MYO18B: variants seen among roughly 807,000 people sequenced by gnomAD.
The protein encoded by MYO18B is unconventional myosin-XVIIIb.
In MYO18B, 204 loss-of-function variants were observed where a neutral mutation model predicts 273.0. That is an observed-to-expected ratio of 0.75 (90% CI 0.67 to 0.84). The LOEUF is 0.84. MYO18B is among the 40% of genes least tolerant of loss of function. The pLI is 0.00. For synonymous variants in MYO18B, 1,330 were observed against 1,305.7 expected (o/e 1.02, Z -0.40); for missense variants, 3,212 against 3,287.6 (o/e 0.98, Z 0.56).
chr22:25,956,710 A>G (rs1257782738), intron 39 of MYO18B, among the ~76,000 whole-genome samples: 1 of 152,120 alleles, frequency 6.6e-6, no homozygotes, highest in Non-Finnish European at 1.5e-5. Context: ...TGGCACCCCT[A>G]TCGCCTACCA....
At chr22:25,782,279 A>G (rs937933447) in intron 10 of MYO18B, among the ~76,000 whole-genome samples, 3 of 152,234 alleles carry the variant, frequency 2.0e-5, no homozygotes, top group African/African-American at 7.2e-5. Flanking sequence ...GCATGTCAGT[A>G]CTGGCCCTGG....
downstream of MYO18B, among the ~76,000 whole-genome samples, chr22:26,032,255 C>A (rs8139222): frequency 6.6e-6 from 1 of 152,064 alleles, no homozygotes; most frequent in Non-Finnish European, 1.5e-5. Context: ...AATTCCACCG[C>A]CTGGGTGGCC....
chr22:25,766,468 G>A (rs917408598), intron 3 of MYO18B, among the ~76,000 whole-genome samples: 2 of 152,176 alleles, frequency 1.3e-5, no homozygotes, highest in Admixed American at 1.3e-4. Flanking sequence ...AACGCAGAAG[G>A]TGGCCACGCT....
intron 39 of MYO18B, among the ~76,000 whole-genome samples, chr22:25,971,308 A>G (rs1278687117): frequency 6.6e-6 from 1 of 152,198 alleles, no homozygotes; most frequent in African/African-American, 2.4e-5. Flanking sequence ...CTGGGTTTAA[A>G]TCTTGTCTCG....
At chr22:25,982,167 C>G (rs1239324457) in intron 39 of MYO18B, among the ~76,000 whole-genome samples, 1 of 152,220 alleles carries the variant, frequency 6.6e-6, no homozygotes, top group African/African-American at 2.4e-5. Flanking sequence ...ACCAGGCCGG[C>G]CCCTCTTCCA....
chr22:25,815,424 AC>A (rs1377028539), intron 12 of MYO18B, among the ~76,000 whole-genome samples: 1 of 152,210 alleles, frequency 6.6e-6, no homozygotes, highest in Non-Finnish European at 1.5e-5. Flanking sequence ...AGGTTGGGTC[AC>A]CTGCTCTGGG....
At chr22:25,751,296 T>G (rs1385785087) in intron 1 of MYO18B, among the ~76,000 whole-genome samples, 1 of 152,230 alleles carries the variant, frequency 6.6e-6, no homozygotes, top group Non-Finnish European at 1.5e-5. Context: ...CTGTGTGACC[T>G]TGATCCAATT....
chr22:25,931,681 CTTTTTTTTT>C (rs71311530), intron 34 of MYO18B, among the ~76,000 whole-genome samples: 4 of 123,520 alleles, frequency 3.2e-5, no homozygotes, highest in Non-Finnish European at 5.1e-5. Flanking sequence ...TTTCTTTTTT[CTTTTTTTTT>C]TTTTTTTTTT....
chr22:26,043,712 C>T, the MYO18B span, among the ~76,000 whole-genome samples: 10 of 151,850 alleles, frequency 6.6e-5, no homozygotes, highest in African/African-American at 2.4e-4. Flanking sequence ...GATGGGGTTT[C>T]AGCATGTTGG....
downstream of MYO18B, among the ~76,000 whole-genome samples, chr22:26,034,517 A>G (rs1417930163): frequency 1.3e-5 from 2 of 152,198 alleles, no homozygotes; most frequent in African/African-American, 4.8e-5. Flanking sequence ...CCTGCAGTAA[A>G]TGGTGGCATC....
intron 38 of MYO18B, 113 bp from the exon 39 acceptor site, chr22:25,955,066 C>G: frequency 8.8e-7 from 1 of 1,135,656 alleles, no homozygotes; most frequent in South Asian, 1.7e-5. Context: ...GTATTCTTAT[C>G]CTGATTATGA....
intron 17 of MYO18B, among the ~76,000 whole-genome samples, chr22:25,842,223 A>C (rs927315701): frequency 6.6e-6 from 1 of 152,166 alleles, no homozygotes; most frequent in African/African-American, 2.4e-5. Flanking sequence ...TTTGTTTCCT[A>C]GCTTACTGGA....
intron 12 of MYO18B, among the ~76,000 whole-genome samples, chr22:25,818,301 G>A (rs1041200304): frequency 1.3e-5 from 2 of 151,964 alleles, no homozygotes; most frequent in African/African-American, 4.8e-5. Context: ...TCTCACTTTG[G>A]TTTTATCTTG....
intron 31 of MYO18B, among the ~76,000 whole-genome samples, chr22:25,905,380 T>G (rs969178910): frequency 2.0e-5 from 3 of 152,328 alleles, no homozygotes; most frequent in African/African-American, 7.2e-5. Context: ...TCATGCACTC[T>G]GTGGATGCTG....
chr22:25,921,412 G>A lies in MYO18B; in HGVS notation c.5517+3G>A, dbSNP rs1404804225. On this transcript the variant is annotated splice_donor_region_variant and intron_variant, in intron 34 of 43. Transcript: ENST00000335473. The stretch of plus-strand genomic sequence containing the variant: ...AGCTGGAGAAAGTGCACAGCCAGGT[G>A]GGTGTCACGGGATCCCCTTGAGAAT... 2 of 1,598,886 alleles carry A rather than the reference G, an allele frequency of 1.3e-6. No individual in the cohort carries two copies. Among genetic ancestry groups the A allele is most frequent in the Non-Finnish European group, 1.7e-6 (2 of 1,172,980 alleles).
intron 2 of MYO18B, among the ~76,000 whole-genome samples, chr22:25,762,035 C>A (rs1300897117): frequency 6.6e-6 from 1 of 151,242 alleles, no homozygotes; most frequent in Non-Finnish European, 1.5e-5. Context: ...AGGCAGGAGA[C>A]AGAGGTTGCA....
At chr22:26,043,051 C>T in the MYO18B span, among the ~76,000 whole-genome samples, 22 of 152,150 alleles carry the variant, frequency 1.4e-4, no homozygotes, top group African/African-American at 4.8e-4. Flanking sequence ...ATGTCTCTTC[C>T]CAGTCAAGTG....
intron 39 of MYO18B, among the ~76,000 whole-genome samples, chr22:25,991,272 C>G (rs1284481014): frequency 6.6e-6 from 1 of 152,074 alleles, no homozygotes; most frequent in Admixed American, 6.6e-5. Flanking sequence ...AATTAATTAC[C>G]AGGAGGTTAG....
intron 11 of MYO18B, among the ~76,000 whole-genome samples, chr22:25,797,722 T>G (rs1373115655): frequency 2.6e-5 from 4 of 152,186 alleles, no homozygotes; most frequent in Admixed American, 2.0e-4. Flanking sequence ...CGTGCACACA[T>G]GAAGGAATAA....
Sources: gnomAD v4.1 joint callset for allele counts (sites outside exome capture counted in the v4.1 genomes callset) on GRCh38, gnomAD v4.1.1 for gene constraint, MANE v1.5 for transcripts, NCBI Gene and HGNC (gene_info 2026-07-23, HGNC 2026-07-21) for gene names.